TCF4: variants seen among roughly 807,000 people sequenced by gnomAD.
TCF4 encodes the protein transcription factor 4.
A neutral mutation model predicts 82.1 loss-of-function variants in TCF4; 3 were observed. The ratio of observed to expected loss-of-function variants is 0.04; its 90% CI spans 0.02 to 0.09. The LOEUF is 0.09. Among genes scored for constraint, TCF4 ranks in the 10% least tolerant of loss-of-function variants. The probability of loss-of-function intolerance (pLI) is 1.00; values close to 1 mark genes in which losing one functional copy is unlikely to be tolerated. For synonymous variants in TCF4, 276 were observed against 309.6 expected, an observed-to-expected ratio of 0.89 and a Z score of 1.14; for missense variants, 518 against 852.7, an observed-to-expected ratio of 0.61 and a Z score of 4.89.
intron 3 of TCF4, among the ~76,000 whole-genome samples, chr18:55,501,719 C>A (rs906493914): frequency 6.6e-6 from 1 of 151,308 alleles, no homozygotes; most frequent in African/African-American, 2.4e-5. Context: ...AAAAAAAAAA[C>A]CTTCGCTGAA....
In TCF4 at chr18:55,635,745, C is replaced by T; in HGVS notation, c.153G>A (p.Trp51Ter). ...AGAAGCTCGAGTAGCAGTTCTCAAC[C>T]CAAGTGCATGTTACAATGTCCTGAG... Residue 51 changes from tryptophan to a stop codon, truncating the protein, a stop_gained, in exon 1 of 21, where the codon TGG becomes TGA. Transcript: ENST00000398339. LOFTEE classifies it high-confidence loss of function. 6.4e-7 allele frequency: 1 copy of T among 1,550,502 alleles called. No homozygotes were observed. The highest frequency in any genetic ancestry group is 2.4e-5 in the East Asian group (1 of 40,914).
upstream of TCF4, chr18:55,588,608 TCTCA>T (rs1159659926): frequency 6.7e-7 from 1 of 1,500,456 alleles, no homozygotes; most frequent in Non-Finnish European, 8.9e-7. Flanking sequence ...TCTCGTTCCC[TCTCA>T]CTCACACATC....
chr18:55,487,503 G>A (rs1010426158), intron 3 of TCF4, among the ~76,000 whole-genome samples: 4 of 152,094 alleles, frequency 2.6e-5, no homozygotes, highest in African/African-American at 9.7e-5. Flanking sequence ...TGAAAATTCA[G>A]AATCTTTGTC....
At chr18:55,440,268 G>A (rs1030780900) in intron 5 of TCF4, among the ~76,000 whole-genome samples, 1 of 152,136 alleles carries the variant, frequency 6.6e-6, no homozygotes, top group African/African-American at 2.4e-5. Context: ...TCTAAGTGAT[G>A]CGGGTATGTT....
At chr18:55,584,124 T>C (rs1238489900) in intron 3 of TCF4, among the ~76,000 whole-genome samples, 1 of 152,144 alleles carries the variant, frequency 6.6e-6, no homozygotes, top group East Asian at 1.9e-4. Flanking sequence ...AGGAACTTAT[T>C]TGGAAATGAG....
chr18:55,476,925 A>G (rs757758731), intron 3 of TCF4, among the ~76,000 whole-genome samples: 3 of 152,158 alleles, frequency 2.0e-5, no homozygotes, highest in Non-Finnish European at 4.4e-5. Context: ...GTGTGTGTGC[A>G]TGTGTGTGCA....
chr18:55,345,112 T>C (rs1257158962), intron 8 of TCF4, among the ~76,000 whole-genome samples: 2 of 152,128 alleles, frequency 1.3e-5, no homozygotes, highest in African/African-American at 4.8e-5. Flanking sequence ...GAATGCCTAA[T>C]AGTATGTATG....
intron 18 of TCF4, 99 bp downstream of exon 18, chr18:55,228,748 G>A (rs2047045441): frequency 8.2e-6 from 10 of 1,220,538 alleles, no homozygotes; most frequent in Non-Finnish European, 1.2e-5. Context: ...ATGCTTGAAA[G>A]TCTACTGTCT....
rs999385751 is a variant in TCF4, at chr18:55,225,925, A to G, written c.*2110T>C. On this transcript the variant is annotated 3_prime_UTR_variant, in exon 20 of 20. Coordinates refer to ENST00000354452, the MANE Select transcript of TCF4 (RefSeq NM_001083962.2). The stretch of plus-strand genomic sequence containing the variant: ...GGTTTGTAAAAGATGACCACGTGGT[A>G]ACTATCTTATTTGTTCTTACATTTT... 1 of 152,638 alleles carries G rather than the reference A, an allele frequency of 6.6e-6. No individual in the cohort carries two copies. Among genetic ancestry groups the G allele is most frequent in the African/African-American group, 2.4e-5 (1 of 41,464 alleles). 9.5% of individuals were successfully genotyped at this position (152,638 alleles called of 1,614,324 possible).
At chr18:55,258,156 T>C (rs1324973294) in intron 13 of TCF4, among the ~76,000 whole-genome samples, 1 of 152,162 alleles carries the variant, frequency 6.6e-6, no homozygotes, top group East Asian at 1.9e-4. Flanking sequence ...ACTTTTAAAA[T>C]CCACTCTTCC....
At chr18:55,419,736 T>C (rs2094658960) in intron 5 of TCF4, among the ~76,000 whole-genome samples, 1 of 152,224 alleles carries the variant, frequency 6.6e-6, no homozygotes, top group Non-Finnish European at 1.5e-5. Context: ...TACGCAAATG[T>C]TCTCCCAAAC....
In TCF4 at chr18:55,476,913, ATG is replaced by A. The variant is rs554016327; in HGVS notation, c.146-12778_146-12777del. ...AGGTTTCTCTTACTTGGGCTTATAA[ATG>A]TGTGTGTGCATGTGTGTGCATGTGC... On this transcript the variant is annotated intron_variant, in intron 3 of 19. Transcript: ENST00000354452. 1.2e-4 allele frequency among the ~76,000 whole-genome samples: 19 copies of A among 152,270 alleles called. No individual in the cohort carries two copies. The South Asian group carries it at 3.7e-3, about 30-fold the overall frequency.
chr18:55,425,516 G>GAA (rs370693034), intron 5 of TCF4, among the ~76,000 whole-genome samples: 7,652 of 145,118 alleles, frequency 0.053, 302 homozygotes, highest in African/African-American at 0.11. Context: ...TGAAGTCAAG[G>GAA]AAAAAAAAAA....
In TCF4 at chr18:55,274,063, CTT is replaced by C. The variant is rs199835209; in HGVS notation, c.789+1554_789+1555del. Among the ~76,000 whole-genome samples, 467 of 152,234 alleles carry C rather than the reference CTT, an allele frequency of 3.1e-3. 6 individuals carry two copies. The highest frequency in any genetic ancestry group is 0.01 in the East Asian group (53 of 5,178). On this transcript the variant is annotated intron_variant, in intron 10 of 19. Transcript: ENST00000354452. ...CCAACATGCGGTATAGTGCCTAAAA[CTT>C]TTATTTGTAATCAAAACTTTCCTTG...
chr18:55,502,957 A>G (rs2096716224), intron 3 of TCF4, among the ~76,000 whole-genome samples: 1 of 152,180 alleles, frequency 6.6e-6, no homozygotes. Flanking sequence ...TTCCATGGTA[A>G]CACTTCAATT....
intron 3 of TCF4, among the ~76,000 whole-genome samples, chr18:55,474,319 G>A (rs1457074648): frequency 2.0e-5 from 3 of 152,106 alleles, no homozygotes; most frequent in African/African-American, 7.2e-5. Context: ...GAGAATGAAA[G>A]TTTTAGTAAA....
At chr18:55,517,867 G>T (rs762639386) in intron 3 of TCF4, among the ~76,000 whole-genome samples, 14 of 152,154 alleles carry the variant, frequency 9.2e-5, no homozygotes, top group East Asian at 7.7e-4. Flanking sequence ...GCCCTTGCTG[G>T]TTAGAGCTTT....
intron 3 of TCF4, among the ~76,000 whole-genome samples, chr18:55,531,836 A>G (rs754640858): frequency 6.6e-6 from 1 of 152,216 alleles, no homozygotes; most frequent in African/African-American, 2.4e-5. Context: ...ATACAGACAC[A>G]CTTTGCTTAG....
chr18:55,599,859 C>T (rs937622696), intron 2 of TCF4, among the ~76,000 whole-genome samples: 4 of 152,212 alleles, frequency 2.6e-5, no homozygotes, highest in African/African-American at 9.7e-5. Flanking sequence ...ACCCAGAAGG[C>T]TTCCTCCTTC....
Sources: gnomAD v4.1 joint callset for allele counts (sites outside exome capture counted in the v4.1 genomes callset) on GRCh38, gnomAD v4.1.1 for gene constraint, MANE v1.5 for transcripts, NCBI Gene and HGNC (gene_info 2026-07-23, HGNC 2026-07-21) for gene names.